TAB3: variants seen among roughly 807,000 people sequenced by gnomAD.
TAB3 encodes the protein TGF-beta activated kinase 1 (MAP3K7) binding protein 3.
A neutral mutation model predicts 48.1 loss-of-function variants in TAB3; 18 were observed. That is an observed-to-expected ratio of 0.37 (90% CI 0.26 to 0.55). The LOEUF (loss-of-function observed/expected upper bound fraction) is 0.55, where lower values mean the gene tolerates loss of function less well. TAB3 is among the 20% of genes least tolerant of loss of function. The probability of loss-of-function intolerance (pLI) is 0.78; values close to 1 mark genes in which losing one functional copy is unlikely to be tolerated. For missense variants in TAB3, 414 were observed against 549.8 expected, an observed-to-expected ratio of 0.75 and a Z score of 2.47; for synonymous variants, 185 against 190.2, an observed-to-expected ratio of 0.97 and a Z score of 0.22.
At chrX:30,881,223 G>T (rs1251444570) in intron 1 of TAB3, among the ~76,000 whole-genome samples, 1 of 110,842 alleles carries the variant, frequency 9.0e-6, no homozygotes, top group Non-Finnish European at 1.9e-5. Flanking sequence ...GGGGTGGAGG[G>T]GGGTAAGGTA....
At position 30,855,128 on chromosome X, in the gene TAB3, C is replaced by T. The variant is rs146319957; in HGVS notation, c.537G>A (p.Pro179=). The T allele has an allele frequency of 4.7e-3, 5,631 of 1,209,363 alleles. 9 individuals are homozygous for T. The highest frequency in any genetic ancestry group is 5.4e-3 in the Non-Finnish European group (4,844 of 894,925). The part of the protein sequence containing the change: ...PSAMQGPSPP[P]PPPSYMHIPR... Reference sequence around the variant, plus strand: ...GTATGTGCATGTATGAAGGAGGTGGCGGTGGTGGTGAAGGCCCTTGCATAG... The same window carrying T: ...GTATGTGCATGTATGAAGGAGGTGGTGGTGGTGGTGAAGGCCCTTGCATAG... The change falls in exon 6 of 11, where the codon CCG becomes CCA. Residue 179 remains proline (P), a synonymous_variant. Transcript: ENST00000288422.
rs1237847117 is a variant in TAB3, at chrX:30,889,014, A to C, written c.-383+100T>G. On this transcript the variant is annotated intron_variant, in intron 1 of 10. Coordinates refer to ENST00000288422, the MANE Select transcript of TAB3 (RefSeq NM_152787.5). Reference sequence around the variant, plus strand: ...AGTCCCCGGGACGCCGCAGTTGCGCACACGCCCACCGTCTCAGGCACAGGG... The same window carrying C: ...AGTCCCCGGGACGCCGCAGTTGCGCCCACGCCCACCGTCTCAGGCACAGGG... The C allele has an allele frequency of 2.7e-5, 3 of 112,986 alleles. No individual in the cohort carries two copies. In the East Asian group the frequency reaches 8.5e-4, roughly 32 times the overall value. The allele number at this position is 112,986 out of a possible 1,213,427, so 9.3% of individuals were successfully genotyped here. A position where few individuals can be genotyped will look rare whatever the true frequency, so the allele number is the denominator to read the frequency against.
chrX:30,851,746 T>G (rs940773968), intron 7 of TAB3, among the ~76,000 whole-genome samples: 3 of 111,650 alleles, frequency 2.7e-5, no homozygotes, highest in African/African-American at 9.8e-5. Flanking sequence ...GAGATTGCCC[T>G]TAGCTTAGAG....
chrX:30,873,806 GTTAA>G lies in TAB3; in HGVS notation c.-382-2009_-382-2006del, dbSNP rs921252120. ...AATATATGTAACATACAAAATATGTGTTAATTGTTTATATTACTGATAAGGCTTC... is the reference window on the plus strand; with the variant it reads ...AATATATGTAACATACAAAATATGTGTTGTTTATATTACTGATAAGGCTTC... On this transcript the variant is annotated intron_variant, in intron 1 of 10. Transcript: ENST00000288422. Among the ~76,000 whole-genome samples the G allele has an allele frequency of 1.2e-4, 13 of 111,985 alleles. No homozygotes were observed. The East Asian group carries it at 2.5e-3, about 22-fold the overall frequency.
chrX:30,887,707 T>C (rs1019985508), intron 1 of TAB3, among the ~76,000 whole-genome samples: 5 of 112,467 alleles, frequency 4.4e-5, no homozygotes, highest in Admixed American at 9.4e-5. Flanking sequence ...TAATCGACGT[T>C]AGCTCTGTTT....
intron 4 of TAB3, among the ~76,000 whole-genome samples, chrX:30,864,801 G>GT (rs201049952): frequency 0.018 from 1,816 of 99,419 alleles, 18 homozygotes; most frequent in African/African-American, 0.046. Flanking sequence ...GTGTGTGTGT[G>GT]TGTTTTTTTT....
At chrX:30,870,547 G>A (rs183565914) in intron 2 of TAB3, among the ~76,000 whole-genome samples, 92 of 112,299 alleles carry the variant, frequency 8.2e-4, no homozygotes, top group African/African-American at 2.9e-3. Flanking sequence ...AGAACAAAGA[G>A]AAGGAGAGCT....
At chrX:30,850,427 CG>C (rs765336959) in intron 7 of TAB3, among the ~76,000 whole-genome samples, 21 of 111,325 alleles carry the variant, frequency 1.9e-4, no homozygotes, top group Non-Finnish European at 3.4e-4. Flanking sequence ...GAAGATAGAT[CG>C]GGGGCCAGGT....
chrX:30,884,915 G>A (rs1284706592), intron 1 of TAB3, among the ~76,000 whole-genome samples: 2 of 112,319 alleles, frequency 1.8e-5, no homozygotes, highest in Middle Eastern at 4.2e-3. Context: ...TTCATGGTGG[G>A]AACAAGATAT....
At chrX:30,848,077 A>G (rs1938691644) in intron 7 of TAB3, among the ~76,000 whole-genome samples, 2 of 112,309 alleles carry the variant, frequency 1.8e-5, no homozygotes, top group African/African-American at 6.5e-5. Context: ...CTATCTTCCT[A>G]GGAACACATG....
Position 30,854,283 on chromosome X carries a change from C to T in TAB3, c.1382G>A (p.Arg461Gln), listed in dbSNP as rs754733085. The T allele has an allele frequency of 1.2e-5, 14 of 1,209,614 alleles. No individual in the cohort carries two copies. The highest frequency in any genetic ancestry group is 4.4e-5 in the Admixed American group (2 of 45,712). The stretch of plus-strand genomic sequence containing the variant: ...ATTTAAAAGATTTTCAGTCGTTGCT[C>T]GGCCTACGGTAATTTTAAAAACTGT... Reference protein sequence around the residue: ...PTTVFKITVGRATTENLLNLV... With the variant: ...PTTVFKITVGQATTENLLNLV... Residue 461 changes from arginine (R) to glutamine (Q), a missense_variant, in exon 6 of 11, where the codon CGA becomes CAA. Coordinates refer to ENST00000288422, the MANE Select transcript of TAB3 (RefSeq NM_152787.5).
At chrX:30,871,957 T>A (rs905346354) in intron 1 of TAB3, among the ~76,000 whole-genome samples, 156 bp from the exon 2 acceptor site, 1 of 112,410 alleles carries the variant, frequency 8.9e-6, no homozygotes, top group Non-Finnish European at 1.9e-5. Context: ...TATGTTTAAT[T>A]GATACTAAGA....
chrX:30,847,467 T>C (rs959580084), intron 7 of TAB3, among the ~76,000 whole-genome samples: 9 of 107,811 alleles, frequency 8.3e-5, no homozygotes, highest in Non-Finnish European at 1.1e-4. Flanking sequence ...TTACTTCCCA[T>C]GTCATCCTTA....
intron 10 of TAB3, among the ~76,000 whole-genome samples, chrX:30,833,478 T>TAA (rs1938090234): frequency 9.0e-6 from 1 of 111,689 alleles, no homozygotes; most frequent in South Asian, 3.7e-4. Flanking sequence ...ATCTCACTGA[T>TAA]AATTTTATAT....
At chrX:30,835,699 T>C (rs1393338250) in intron 9 of TAB3, 1 of 112,383 alleles carries the variant, frequency 8.9e-6, no homozygotes, top group Non-Finnish European at 1.9e-5. Flanking sequence ...CTAAGCCCGC[T>C]GAAGAGCACG....
intron 7 of TAB3, among the ~76,000 whole-genome samples, chrX:30,849,981 A>G (rs1294300592): frequency 8.9e-6 from 1 of 112,438 alleles, no homozygotes; most frequent in Non-Finnish European, 1.9e-5. Flanking sequence ...ACTGCTTCAC[A>G]TATATTACCT....
chrX:30,852,455 GAAT>G (rs1354229228), intron 7 of TAB3, among the ~76,000 whole-genome samples: 1 of 63,778 alleles, frequency 1.6e-5, no homozygotes, highest in Non-Finnish European at 3.4e-5. Context: ...AATACACAAA[GAAT>G]AAATTCATCA....
At position 30,854,742 on chromosome X, in the gene TAB3, T is replaced by C. The variant is rs753000250; in HGVS notation, c.923A>G (p.Gln308Arg). Reference protein sequence around the residue: ...SQCPSPFSSPQHQVQPSQLGH... With the variant: ...SQCPSPFSSPRHQVQPSQLGH... ...CAACTGGGAAGGTTGCACTTGATGC[T>C]GTGGAGAGCTGAAGGGTGAAGGACA... is the stretch of plus-strand genomic sequence containing the variant. Residue 308 changes from glutamine to arginine, a missense_variant, in exon 6 of 11, where the codon CAG becomes CGG. By Grantham distance (43) the Gln-to-Arg change is conservative (BLOSUM62 1). Transcript: ENST00000288422. The C allele has an allele frequency of 5.0e-6, 6 of 1,211,307 alleles. No individual in the cohort carries two copies. The highest frequency in any genetic ancestry group is 6.7e-6 in the Non-Finnish European group (6 of 895,385).
intron 2 of TAB3, among the ~76,000 whole-genome samples, chrX:30,869,090 T>C (rs1939592820): frequency 1.8e-5 from 2 of 109,413 alleles, no homozygotes; most frequent in African/African-American, 3.3e-5. Context: ...AGATGGAGTT[T>C]TGCTCTGTCA....
Sources: allele counts gnomAD v4.1 joint callset (sites outside exome capture counted in the v4.1 genomes callset), GRCh38; gene constraint gnomAD v4.1.1; transcripts MANE v1.5; gene names NCBI Gene and HGNC (gene_info 2026-07-23, HGNC 2026-07-21).